MARVELD2: variants seen among roughly 807,000 people sequenced by gnomAD.
The protein encoded by MARVELD2 is MARVEL domain containing 2.
MARVELD2 carries 49 observed loss-of-function variants against 57.6 expected under a neutral mutation model. The ratio of observed to expected loss-of-function variants is 0.85; its 90% CI spans 0.68 to 1.08. The LOEUF is 1.08. MARVELD2 is among the 50% of genes least tolerant of loss of function. The pLI, the probability that MARVELD2 is intolerant of heterozygous loss-of-function variation, is 0.00. For synonymous variants in MARVELD2, 238 were observed against 258.8 expected, an observed-to-expected ratio of 0.92 and a Z score of 0.77; for missense variants, 606 against 701.1, an observed-to-expected ratio of 0.86 and a Z score of 1.53.
chr5:69,419,469 A>G lies in MARVELD2; in HGVS notation c.84A>G (p.Ile28Met), dbSNP rs762986895. The change falls in exon 2 of 7, where the codon ATA becomes ATG. Residue 28 changes from isoleucine (I) to methionine (M), a missense_variant. Ile to Met is a conservative substitution (Grantham distance 10). Coordinates refer to ENST00000325631, the MANE Select transcript of MARVELD2 (RefSeq NM_001038603.3). ...PSDLPYQDTTIRTHPTLHDSE... is the reference protein window; with the variant it reads ...PSDLPYQDTTMRTHPTLHDSE... ...ACCTGCCCTATCAAGATACCACCATAAGAACCCACCCAACTCTTCATGACA... is the reference window on the plus strand; with the variant it reads ...ACCTGCCCTATCAAGATACCACCATGAGAACCCACCCAACTCTTCATGACA... 1.9e-6 allele frequency: 3 copies of G among 1,614,142 alleles called. No individual in the cohort carries two copies. The highest frequency in any genetic ancestry group is 3.3e-5 in the Admixed American group (2 of 60,008).
intron 3 of MARVELD2, among the ~76,000 whole-genome samples, chr5:69,429,787 T>C (rs961026511): frequency 6.7e-6 from 1 of 148,242 alleles, no homozygotes; most frequent in Admixed American, 6.9e-5. Context: ...GAGGCTGCAG[T>C]GAGCTATATG....
In MARVELD2 at chr5:69,444,178, C is replaced by T. The variant is rs981540054; in HGVS notation, c.*2524C>T. The T allele has an allele frequency of 1.3e-5, 2 of 152,004 alleles. No homozygotes were observed. The highest frequency in any genetic ancestry group is 2.9e-5 in the Non-Finnish European group (2 of 68,012). 9.4% of individuals were successfully genotyped at this position (152,004 alleles called of 1,614,324 possible). A position where few individuals can be genotyped will look rare whatever the true frequency, so the allele number is the denominator to read the frequency against. On this transcript the variant is annotated 3_prime_UTR_variant, in exon 7 of 7. Coordinates refer to ENST00000325631, the MANE Select transcript of MARVELD2 (RefSeq NM_001038603.3). The stretch of plus-strand genomic sequence containing the variant: ...AACACTGATTTGTAAATGTTGTGGT[C>T]AATCCCTAGGTGCATTAAAGTTTCA...
intron 1 of MARVELD2, among the ~76,000 whole-genome samples, chr5:69,415,972 C>T (rs982355833): frequency 2.0e-5 from 3 of 152,244 alleles, no homozygotes; most frequent in Admixed American, 2.0e-4. Context: ...TGAAATACAG[C>T]TAACCATTCC....
chr5:69,421,168 GATAATAATGAGAATAA>G (rs1766615934), intron 2 of MARVELD2, among the ~76,000 whole-genome samples: 2 of 151,822 alleles, frequency 1.3e-5, no homozygotes, highest in Admixed American at 1.3e-4. Context: ...AACTTAATAG[GATAATAATGAGAATAA>G]ATAATAATGA....
chr5:69,420,092 T>C lies in MARVELD2; in HGVS notation c.707T>C (p.Val236Ala), dbSNP rs1358661480. 3 of 1,614,084 alleles carry C rather than the reference T, an allele frequency of 1.9e-6. No homozygotes were observed. The highest frequency in any genetic ancestry group is 1.1e-5 in the South Asian group (1 of 91,076). Reference protein sequence around the residue: ...GYSQPYGMGGVGGLGSMYGGY... With the variant: ...GYSQPYGMGGAGGLGSMYGGY... ...TCACAACCGTATGGCATGGGAGGCG[T>C]TGGTGGATTGGGCAGTATGTATGGG... Residue 236 changes from valine (V) to alanine (A), a missense_variant, in exon 2 of 7, where the codon GTT becomes GCT. Coordinates refer to ENST00000325631, the MANE Select transcript of MARVELD2 (RefSeq NM_001038603.3).
intron 1 of MARVELD2, chr5:69,415,744 T>G (rs549716105): frequency 1.3e-5 from 2 of 152,336 alleles, no homozygotes; most frequent in African/African-American, 4.8e-5. Flanking sequence ...TGGTTCTGTT[T>G]GTGTAAAGGT....
At position 69,420,310 on chromosome 5, in the gene MARVELD2, A is replaced by G. The variant is rs1766582311; in HGVS notation, c.925A>G (p.Ile309Val). Residue 309 changes from isoleucine to valine, a missense_variant, in exon 2 of 7, where the codon ATA becomes GTA. Transcript: ENST00000325631. ...ALFILYMAAA[I>V]VYVNDTNRGG... ...GTTTATTTTGTATATGGCCGCAGCCATAGTCTATGTGAATGATACCAACCG... is the reference window on the plus strand; with the variant it reads ...GTTTATTTTGTATATGGCCGCAGCCGTAGTCTATGTGAATGATACCAACCG... The G allele has an allele frequency of 6.2e-7, 1 of 1,614,202 alleles. No individual in the cohort carries two copies. The highest frequency in any genetic ancestry group is 8.5e-7 in the Non-Finnish European group (1 of 1,180,048).
At chr5:69,430,388 A>AT (rs1293664659) in intron 3 of MARVELD2, among the ~76,000 whole-genome samples, 5 of 151,302 alleles carry the variant, frequency 3.3e-5, no homozygotes, top group African/African-American at 4.8e-5. Context: ...TATTTTTTTA[A>AT]TTTTTTTTGT....
chr5:69,419,131 G>A (rs934651148), intron 1 of MARVELD2: 16 of 574,278 alleles, frequency 2.8e-5, no homozygotes, highest in Non-Finnish European at 6.2e-6. Flanking sequence ...TCACCATGTT[G>A]GTCAGGCTGG....
At chr5:69,415,311 CG>C (rs997041775) in intron 1 of MARVELD2, 141 bp downstream of exon 1, 4 of 151,912 alleles carry the variant, frequency 2.6e-5, no homozygotes, top group African/African-American at 9.7e-5. Context: ...GCCAGGGATC[CG>C]GGGAGGCCCG....
intron 3 of MARVELD2, among the ~76,000 whole-genome samples, chr5:69,427,392 C>G (rs925074634): frequency 3.3e-5 from 5 of 151,470 alleles, no homozygotes; most frequent in Admixed American, 6.6e-5. Context: ...CTAGTTCTCC[C>G]TATATCTTTT....
At chr5:69,438,988 C>T (rs574835494) in intron 5 of MARVELD2, among the ~76,000 whole-genome samples, 1 of 150,326 alleles carries the variant, frequency 6.7e-6, no homozygotes, top group Non-Finnish European at 1.5e-5. Context: ...ATCACTTGAG[C>T]CCAAGAAGTT....
intron 1 of MARVELD2, among the ~76,000 whole-genome samples, chr5:69,417,203 C>T (rs1240599391): frequency 6.6e-6 from 1 of 152,216 alleles, no homozygotes; most frequent in African/African-American, 2.4e-5. Flanking sequence ...CTCAGATATC[C>T]CTTTCTCTGT....
chr5:69,430,930 T>TTTTTTTTAA (rs772390295), intron 3 of MARVELD2, among the ~76,000 whole-genome samples: 13 of 151,704 alleles, frequency 8.6e-5, no homozygotes, highest in Non-Finnish European at 1.9e-4. Context: ...TTTTTAATTT[T>TTTTTTTTAA]TTTTTTTTAA....
At chr5:69,426,261 TTAA>T (rs918341156) in intron 3 of MARVELD2, among the ~76,000 whole-genome samples, 3 of 150,556 alleles carry the variant, frequency 2.0e-5, no homozygotes, top group Non-Finnish European at 3.0e-5. Context: ...ATAATTTATT[TTAA>T]TAATCATAAT....
intron 1 of MARVELD2, among the ~76,000 whole-genome samples, chr5:69,416,984 G>GT (rs533583274): frequency 7.2e-4 from 109 of 152,290 alleles, no homozygotes; most frequent in African/African-American, 2.6e-3. Flanking sequence ...CTTTCCAGTG[G>GT]TTTTCAAGGC....
In MARVELD2 at chr5:69,441,591, C is replaced by A. The variant is rs1202019478; in HGVS notation, c.1614C>A (p.His538Gln). The stretch of plus-strand genomic sequence containing the variant: ...ATTACCTAAAGAATAAACTTTCTCA[C>A]ATAAAGCAAAGAATTCAAGAATATG... ...RCDYLKNKLS[H>Q]IKQRIQEYDK... Residue 538 changes from histidine to glutamine, a missense_variant, in exon 7 of 7, where the codon CAC (histidine) becomes CAA (glutamine). Physicochemically the swap from His to Gln is conservative, Grantham distance 24. Coordinates refer to ENST00000325631, the MANE Select transcript of MARVELD2 (RefSeq NM_001038603.3). 1.9e-6 allele frequency: 3 copies of A among 1,600,814 alleles called. No individual in the cohort carries two copies. Among genetic ancestry groups the A allele is most frequent in the Non-Finnish European group, 2.6e-6 (3 of 1,168,560 alleles).
Position 69,439,358 on chromosome 5 carries a change from G to A in MARVELD2, c.1504-1092G>A, listed in dbSNP as rs534067516. ...GTATTTTTAGTAGAGATGGGGTTTC[G>A]CCATGTTGGCCAGGCTGGTCTTGAA... On this transcript the variant is annotated intron_variant, in intron 5 of 6. Coordinates refer to ENST00000325631, the MANE Select transcript of MARVELD2 (RefSeq NM_001038603.3). 5.9e-5 allele frequency among the ~76,000 whole-genome samples: 9 copies of A among 151,424 alleles called. No individual in the cohort carries two copies. The South Asian group carries it at 8.4e-4, about 14-fold the overall frequency.
chr5:69,419,221 C>T (rs546304307), intron 1 of MARVELD2, 150 bp from the exon 2 acceptor site: 66 of 849,878 alleles, frequency 7.8e-5, no homozygotes, highest in East Asian at 1.1e-4. Context: ...CCACCGTGCC[C>T]GGTATCATAT....
Sources: gnomAD v4.1 joint callset for allele counts (sites outside exome capture counted in the v4.1 genomes callset) on GRCh38, gnomAD v4.1.1 for gene constraint, MANE v1.5 for transcripts, NCBI Gene and HGNC (gene_info 2026-07-23, HGNC 2026-07-21) for gene names.